Variants in CACNB4 observed in about 807,000 individuals in gnomAD.
CACNB4 encodes calcium voltage-gated channel auxiliary subunit beta 4, also known as voltage-dependent L-type calcium channel subunit beta-4.
A neutral mutation model predicts 71.2 loss-of-function variants in CACNB4; 32 were observed. The ratio of observed to expected loss-of-function variants is 0.45; its 90% CI spans 0.34 to 0.60. The LOEUF is 0.60. CACNB4 is among the 20% of genes least tolerant of loss of function. CACNB4 has a pLI of 0.01. For missense variants in CACNB4, 464 were observed against 647.9 expected (o/e 0.72, Z 3.08); for synonymous variants, 231 against 236.9 (o/e 0.97, Z 0.23).
At chr2:151,991,469 C>G (rs1244374318) in intron 2 of CACNB4, among the ~76,000 whole-genome samples, 3 of 152,182 alleles carry the variant, frequency 2.0e-5, no homozygotes, top group African/African-American at 4.8e-5. Flanking sequence ...AGCCAGATGA[C>G]TTTTCATTGT....
intron 2 of CACNB4, among the ~76,000 whole-genome samples, chr2:152,028,744 C>T (rs1684107588): frequency 6.6e-6 from 1 of 152,166 alleles, no homozygotes; most frequent in African/African-American, 2.4e-5. Context: ...AAAGGAGGAG[C>T]AGATCCTTGC....
At chr2:152,040,051 T>G (rs1474889266) in intron 2 of CACNB4, among the ~76,000 whole-genome samples, 3 of 152,210 alleles carry the variant, frequency 2.0e-5, no homozygotes, top group African/African-American at 7.2e-5. Flanking sequence ...AAAATTGTAC[T>G]GGCTGATAAG....
rs200945311 is a variant in CACNB4, at chr2:151,841,896, A to G, written c.1302+7T>C. On this transcript the variant is annotated splice_region_variant and intron_variant, in intron 13 of 13. Coordinates refer to ENST00000539935, the MANE Select transcript of CACNB4 (RefSeq NM_000726.5). Reference sequence around the variant, plus strand: ...TGTAAAAAGCATGAGTGAAAAAGTGACAATACCTGTAACCCAGAAATTGCT... The same window carrying G: ...TGTAAAAAGCATGAGTGAAAAAGTGGCAATACCTGTAACCCAGAAATTGCT... 15 of 1,612,794 alleles carry G rather than the reference A, an allele frequency of 9.3e-6. No homozygotes were observed. In the African/African-American group the frequency reaches 1.7e-4, roughly 19 times the overall value.
At chr2:152,078,631 T>TC (rs1687170859) in intron 2 of CACNB4, among the ~76,000 whole-genome samples, 1 of 152,188 alleles carries the variant, frequency 6.6e-6, no homozygotes. Flanking sequence ...AACTTCTGGG[T>TC]CATCCCTTTA....
chr2:151,971,556 C>G, intron 2 of CACNB4: 1 of 702,998 alleles, frequency 1.4e-6, no homozygotes, highest in Non-Finnish European at 2.6e-6. Context: ...GCCATAAATG[C>G]ATTGGCACTG....
At chr2:151,903,867 T>A (rs185143530) in intron 2 of CACNB4, among the ~76,000 whole-genome samples, 1 of 152,354 alleles carries the variant, frequency 6.6e-6, no homozygotes, top group Admixed American at 6.5e-5. Context: ...TACGTGTGGC[T>A]ATTTTACCTT....
intron 2 of CACNB4, among the ~76,000 whole-genome samples, chr2:152,046,019 TTTTC>T (rs1685127132): frequency 6.6e-6 from 1 of 152,106 alleles, no homozygotes; most frequent in Non-Finnish European, 1.5e-5. Context: ...ATGGAAAACT[TTTTC>T]TTTAATAACA....
chr2:151,925,939 C>G (rs2099860134), intron 2 of CACNB4, among the ~76,000 whole-genome samples: 1 of 152,048 alleles, frequency 6.6e-6, no homozygotes, highest in African/African-American at 2.4e-5. Context: ...TGTGAAAGAC[C>G]ACAGGAAAAG....
chr2:151,927,688 C>T (rs1330371974), intron 2 of CACNB4, among the ~76,000 whole-genome samples: 1 of 152,224 alleles, frequency 6.6e-6, no homozygotes, highest in South Asian at 2.1e-4. Flanking sequence ...AGCGCAATTG[C>T]GTGCTTCACC....
chr2:152,047,493 A>G (rs1685198110), intron 2 of CACNB4, among the ~76,000 whole-genome samples: 3 of 152,240 alleles, frequency 2.0e-5, no homozygotes, highest in Admixed American at 2.0e-4. Context: ...ACTTCAAGAT[A>G]TCCCATCTTT....
At chr2:151,936,604 C>G (rs752983996) in intron 2 of CACNB4, among the ~76,000 whole-genome samples, 3 of 152,180 alleles carry the variant, frequency 2.0e-5, no homozygotes, top group Non-Finnish European at 4.4e-5. Flanking sequence ...CTCGGATGTC[C>G]TGTGGTATTT....
Position 151,835,193 on chromosome 2 carries a change from C to A in CACNB4, c.*3926G>T, listed in dbSNP as rs557161250. ...TAACAAGTTGCACACAAAGGCAATT[C>A]CCTTGCAGTTTGTTTTGTTCCCTAT... On this transcript the variant is annotated 3_prime_UTR_variant, in exon 14 of 14. Coordinates refer to ENST00000539935, the MANE Select transcript of CACNB4 (RefSeq NM_000726.5). The A allele has an allele frequency of 6.6e-6, 1 of 152,012 alleles. No individual in the cohort carries two copies. Among genetic ancestry groups the A allele is most frequent in the South Asian group, 2.1e-4 (1 of 4,824 alleles). 9.4% of individuals were successfully genotyped at this position (152,012 alleles called of 1,614,324 possible). A position where few individuals can be genotyped will look rare whatever the true frequency, so the allele number is the denominator to read the frequency against.
chr2:152,063,118 G>A (rs1003202677), intron 2 of CACNB4, among the ~76,000 whole-genome samples: 20 of 152,136 alleles, frequency 1.3e-4, no homozygotes, highest in African/African-American at 4.6e-4. Flanking sequence ...CAATGTCACT[G>A]GGAGTTTATT....
intron 2 of CACNB4, among the ~76,000 whole-genome samples, chr2:151,954,304 A>G (rs773087082): frequency 6.6e-6 from 1 of 152,252 alleles, no homozygotes; most frequent in African/African-American, 2.4e-5. Context: ...GAATTAATAG[A>G]GTAATTTTAT....
chr2:152,092,390 C>A (rs552912095), intron 2 of CACNB4, among the ~76,000 whole-genome samples: 1 of 152,292 alleles, frequency 6.6e-6, no homozygotes, highest in South Asian at 2.1e-4. Flanking sequence ...AATTTGTTTG[C>A]CAACTTGTTT....
intron 2 of CACNB4, among the ~76,000 whole-genome samples, chr2:151,978,589 T>C (rs897858676): frequency 3.9e-5 from 6 of 152,140 alleles, no homozygotes; most frequent in Non-Finnish European, 7.3e-5. Flanking sequence ...ATCAAGAAGA[T>C]TGTGCAAATT....
intron 2 of CACNB4, among the ~76,000 whole-genome samples, chr2:152,023,231 G>A (rs1311539338): frequency 6.6e-6 from 1 of 152,042 alleles, no homozygotes; most frequent in Non-Finnish European, 1.5e-5. Flanking sequence ...AGAACAGCAT[G>A]GGGGATACTG....
intron 2 of CACNB4, among the ~76,000 whole-genome samples, chr2:151,888,963 T>C (rs994820820): frequency 8.5e-5 from 13 of 152,244 alleles, no homozygotes; most frequent in African/African-American, 2.7e-4. Flanking sequence ...TATTGAGCAC[T>C]TGAAATGTGA....
chr2:152,070,504 T>C (rs1686620633), intron 2 of CACNB4, among the ~76,000 whole-genome samples: 2 of 152,084 alleles, frequency 1.3e-5, no homozygotes, highest in African/African-American at 4.8e-5. Flanking sequence ...GCAAAAACAC[T>C]ACACTTAACA....
Sources: allele counts gnomAD v4.1 joint callset (sites outside exome capture counted in the v4.1 genomes callset), GRCh38; gene constraint gnomAD v4.1.1; transcripts MANE v1.5; gene names NCBI Gene and HGNC (gene_info 2026-07-23, HGNC 2026-07-21).